The following PRDM16 variants were observed in gnomAD, a reference collection of about 807,000 sequenced individuals.
The protein encoded by PRDM16 is PR/SET domain 16, also known as histone-lysine N-methyltransferase PRDM16.
In PRDM16, 23 loss-of-function variants were observed where a neutral mutation model predicts 110.6. The ratio of observed to expected loss-of-function variants is 0.21; its 90% CI spans 0.15 to 0.29. PRDM16 has a LOEUF of 0.29. Ranked by LOEUF, PRDM16 falls within the 10% of genes least tolerant of loss-of-function variation. The probability of loss-of-function intolerance (pLI) is 1.00; values close to 1 mark genes in which losing one functional copy is unlikely to be tolerated. For missense variants in PRDM16, 1,615 were observed against 1,794.3 expected (o/e 0.90, Z 1.81); for synonymous variants, 799 against 781.8 (o/e 1.02, Z -0.37).
At position 3,181,490 on chromosome 1, in the gene PRDM16, CCTTACGCAT is replaced by C. The variant is rs1644183815; in HGVS notation, c.38-4634_38-4626del. On this transcript the variant is annotated intron_variant, in intron 1 of 16. Coordinates refer to ENST00000270722, the MANE Select transcript of PRDM16 (RefSeq NM_022114.4). ...CTTACACACGCAGTCTTACACACAG[CCTTACGCAT>C]GGTCTTACACACGCAGTCTTACACA... 5.9e-4 allele frequency among the ~76,000 whole-genome samples: 13 copies of C among 21,938 alleles called. 5 individuals are homozygous for C. The highest frequency in any genetic ancestry group is 1.5e-3 in the Non-Finnish European group (12 of 8,204). 14.4% of individuals were successfully genotyped at this position (21,938 alleles called of 152,430 possible).
At chr1:3,296,203 G>A (rs569307383) in intron 3 of PRDM16, among the ~76,000 whole-genome samples, 48 of 152,320 alleles carry the variant, frequency 3.2e-4, no homozygotes, top group African/African-American at 1.1e-3. Context: ...TGGTTAATGG[G>A]TCCCTGCTGG....
chr1:3,311,877 AGGGGCTGCAAAGC>A (rs1641469667), intron 3 of PRDM16, among the ~76,000 whole-genome samples: 1 of 152,152 alleles, frequency 6.6e-6, no homozygotes, highest in Admixed American at 6.6e-5. Context: ...CTGGGTCCAG[AGGGGCTGCAAAGC>A]TGCCAGTGCC....
chr1:3,414,620 G>T lies in PRDM16; in HGVS notation c.2664G>T (p.Arg888=). The change falls in exon 10 of 17, where the codon CGG becomes CGT. Residue 888 remains arginine (R), a synonymous_variant. Coordinates refer to ENST00000270722, the MANE Select transcript of PRDM16 (RefSeq NM_022114.4). The part of the protein sequence containing the change: ...PVGALKEKYL[R]PSPLLFHPQM... ...GAGCCCTGAAGGAGAAGTACCTGCG[G>T]CCGTCCCCGCTGCTCTTCCACCCCC... 1 of 1,613,336 alleles carries T rather than the reference G, an allele frequency of 6.2e-7. No individual in the cohort carries two copies. The highest frequency in any genetic ancestry group is 8.5e-7 in the Non-Finnish European group (1 of 1,179,832).
Position 3,290,714 on chromosome 1 carries a change from A to T in PRDM16, c.438+46577A>T, listed in dbSNP as rs201414496. Among the ~76,000 whole-genome samples, 21 of 152,248 alleles carry T rather than the reference A, an allele frequency of 1.4e-4. No homozygotes were observed. The East Asian group carries it at 3.9e-3, about 28-fold the overall frequency. On this transcript the variant is annotated intron_variant, in intron 3 of 16. Transcript: ENST00000270722. The surrounding 1 kb of genome is among the most constrained non-coding windows in gnomAD (Gnocchi z 4.8). The stretch of plus-strand genomic sequence containing the variant: ...ACAACAGGGCTCCAGGGGGACGTGC[A>T]GGGAGTGGAAGAAACTCAAGCCGGG...
At chr1:3,189,282 C>G (rs1638235851) in intron 2 of PRDM16, among the ~76,000 whole-genome samples, 1 of 152,226 alleles carries the variant, frequency 6.6e-6, no homozygotes, top group South Asian at 2.1e-4. Flanking sequence ...CTCCTCCATG[C>G]CCCTGCAGTG....
rs185154255 is a variant in PRDM16 at position 3,389,777 on chromosome 1, G to C, written c.573+4491G>C. Among the ~76,000 whole-genome samples, 542 of 152,332 alleles carry C rather than the reference G, an allele frequency of 3.6e-3. 1 individual carries two copies. The highest frequency in any genetic ancestry group is 0.012 in the African/African-American group (496 of 41,586). ...GAGCAAAACATCCCTGCACACAGCT[G>C]CGGGGACCGAGCCTTTCCCCTGGGA... On this transcript the variant is annotated intron_variant, in intron 4 of 16. Coordinates refer to ENST00000270722, the MANE Select transcript of PRDM16 (RefSeq NM_022114.4).
At chr1:3,341,265 C>T (rs1408423243) in intron 3 of PRDM16, among the ~76,000 whole-genome samples, 2 of 152,194 alleles carry the variant, frequency 1.3e-5, no homozygotes, top group Admixed American at 1.3e-4. Context: ...AGCCAGGTTT[C>T]CATCCCCGTT....
At chr1:3,253,359 TC>T (rs1260324238) in intron 3 of PRDM16, among the ~76,000 whole-genome samples, 5 of 40,318 alleles carry the variant, frequency 1.2e-4, no homozygotes, top group African/African-American at 4.0e-4. Flanking sequence ...CCTCCCCCCC[TC>T]CCCCCACCCC....
At position 3,114,053 on chromosome 1, in the gene PRDM16, T is replaced by C. The variant is rs562860448; in HGVS notation, c.37+44757T>C. Among the ~76,000 whole-genome samples the C allele has an allele frequency of 1.5e-3, 227 of 152,352 alleles. 1 individual carries two copies. The highest frequency in any genetic ancestry group is 2.8e-3 in the Non-Finnish European group (190 of 68,026). On this transcript the variant is annotated intron_variant, in intron 1 of 16. Coordinates refer to ENST00000270722, the MANE Select transcript of PRDM16 (RefSeq NM_022114.4). The stretch of plus-strand genomic sequence containing the variant: ...GTGCGGAGGAGTTTCAGGGACAAAG[T>C]TGCCAAGTTTTGAAGTGTAGATTTG...
rs1642451545 is a variant in PRDM16 at position 3,350,031 on chromosome 1, A to T, written c.439-35121A>T. Among the ~76,000 whole-genome samples the T allele has an allele frequency of 6.6e-6, 1 of 152,028 alleles. No individual in the cohort carries two copies. The highest frequency in any genetic ancestry group is 2.4e-5 in the African/African-American group (1 of 41,384). On this transcript the variant is annotated intron_variant, in intron 3 of 16. Coordinates refer to ENST00000270722, the MANE Select transcript of PRDM16 (RefSeq NM_022114.4). This position sits in a 1 kb window ranked among gnomAD's most constrained non-coding sequence, Gnocchi z 7.1. ...ACCTGACTCCTGTCTTTGAGGGGGG[A>T]AGAGGACAGGGCAGAAAAGACCTGG...
intron 3 of PRDM16, among the ~76,000 whole-genome samples, chr1:3,320,177 CAT>C (rs1276030600): frequency 4.6e-5 from 7 of 152,236 alleles, no homozygotes; most frequent in Admixed American, 6.5e-5. Flanking sequence ...TAAGAACACA[CAT>C]GTGCCAAATT....
chr1:3,119,508 T>C (rs996402770), intron 1 of PRDM16, among the ~76,000 whole-genome samples: 1 of 152,132 alleles, frequency 6.6e-6, no homozygotes, highest in Non-Finnish European at 1.5e-5. Context: ...CTCCAAAGCC[T>C]CACCCCCAGG....
chr1:3,204,774 C>T (rs1472090482), intron 2 of PRDM16, among the ~76,000 whole-genome samples: 4 of 152,218 alleles, frequency 2.6e-5, no homozygotes, highest in Admixed American at 1.3e-4. Flanking sequence ...GGGTTGCTCA[C>T]CCTTGAAGGC....
Position 3,245,383 on chromosome 1 carries a change from C to T in PRDM16, c.438+1246C>T, listed in dbSNP as rs1166623251. Among the ~76,000 whole-genome samples the T allele has an allele frequency of 1.3e-5, 2 of 152,168 alleles. No homozygotes were observed. Among genetic ancestry groups the T allele is most frequent in the Non-Finnish European group, 2.9e-5 (2 of 68,024 alleles). ...GACCCACCATCTGGGCAGAGCTATC[C>T]GCAAAGCACAGGGGGACCTGACCCT... On this transcript the variant is annotated intron_variant, in intron 3 of 16. Coordinates refer to ENST00000270722, the MANE Select transcript of PRDM16 (RefSeq NM_022114.4). This position sits in a 1 kb window ranked among gnomAD's most constrained non-coding sequence, Gnocchi z 4.7.
chr1:3,219,249 G>A (rs1032481871), intron 2 of PRDM16, among the ~76,000 whole-genome samples: 1 of 152,210 alleles, frequency 6.6e-6, no homozygotes, highest in African/African-American at 2.4e-5. Context: ...GCTGCAGTTG[G>A]ACCAGGCTGA....
chr1:3,434,032 C>T lies in PRDM16; in HGVS notation c.*221C>T. ...CATCTCCAAGGATTGGTCTTGAGAA[C>T]ACTGTTCAGTGACGGCCATGCAGGT... On this transcript the variant is annotated 3_prime_UTR_variant, in exon 17 of 17. Coordinates refer to ENST00000270722, the MANE Select transcript of PRDM16 (RefSeq NM_022114.4). 1.8e-6 allele frequency: 1 copy of T among 541,198 alleles called. No individual in the cohort carries two copies. The allele number at this position is 541,198 out of a possible 1,614,324, so 33.5% of individuals were successfully genotyped here.
chr1:3,175,306 T>A lies in PRDM16; in HGVS notation c.38-10819T>A, dbSNP rs1382824625. On this transcript the variant is annotated intron_variant, in intron 1 of 16. Coordinates refer to ENST00000270722, the MANE Select transcript of PRDM16 (RefSeq NM_022114.4). This position sits in a 1 kb window ranked among gnomAD's most constrained non-coding sequence, Gnocchi z 4.8. ...GAAGGGCCTTCTGTTCACCAGGGTA[T>A]ACTCGGCAGAGATGTAGGTGTACAG... is the stretch of plus-strand genomic sequence containing the variant. Among the ~76,000 whole-genome samples, 1 of 152,196 alleles carries A rather than the reference T, an allele frequency of 6.6e-6. No individual in the cohort carries two copies. Among genetic ancestry groups the A allele is most frequent in the African/African-American group, 2.4e-5 (1 of 41,442 alleles).
intron 1 of PRDM16, among the ~76,000 whole-genome samples, chr1:3,106,667 C>A (rs1002944700): frequency 2.6e-5 from 4 of 152,108 alleles, no homozygotes; most frequent in Non-Finnish European, 5.9e-5. Context: ...GAAGGCACCC[C>A]CAGGTTTCTG....
Position 3,405,664 on chromosome 1 carries a change from G to A in PRDM16, c.1186+16G>A, listed in dbSNP as rs569792747. 10 of 1,551,856 alleles carry A rather than the reference G, an allele frequency of 6.4e-6. No individual in the cohort carries two copies. The highest frequency in any genetic ancestry group is 2.4e-5 in the East Asian group (1 of 41,156). On this transcript the variant is annotated intron_variant, in intron 8 of 16. Transcript: ENST00000270722. ...CCTTTCATATGTGAGTGGTCGCCCA[G>A]CCTGGCCGCCTGCCCTCCGGGTGCG...
Sources: gnomAD v4.1 joint callset for allele counts (sites outside exome capture counted in the v4.1 genomes callset) on GRCh38, gnomAD v4.1.1 for gene constraint, Gnocchi (gnomAD v3.1) non-coding constraint, MANE v1.5 for transcripts, NCBI Gene and HGNC (gene_info 2026-07-23, HGNC 2026-07-21) for gene names.